OPA3: variants seen among roughly 807,000 people sequenced by gnomAD.
OPA3 encodes optic atrophy 3 protein.
A neutral mutation model predicts 4.0 loss-of-function variants in OPA3; 6 were observed. The observed-to-expected ratio is 1.51, with a 90% CI of 0.83 to 2.99. The LOEUF (loss-of-function observed/expected upper bound fraction) is 2.99, where lower values mean the gene tolerates loss of function less well. Among genes scored for constraint, OPA3 ranks in the 30% most tolerant of loss-of-function variants. OPA3 has a pLI of 0.00. For synonymous variants in OPA3, 105 were observed against 117.1 expected, an observed-to-expected ratio of 0.90 and a Z score of 0.67; for missense variants, 235 against 256.2, an observed-to-expected ratio of 0.92 and a Z score of 0.56.
chr19:45,554,014 T>C, intron 1 of OPA3, 103 bp from the exon 2 acceptor site: 1 of 905,256 alleles, frequency 1.1e-6, no homozygotes, highest in Non-Finnish European at 1.7e-6. Flanking sequence ...AACCCAGGGG[T>C]CTTTTAAAAG....
rs915794298 is a variant in OPA3, at chr19:45,548,835, G to T, written c.*4679C>A. 1.2e-5 allele frequency: 8 copies of T among 681,134 alleles called. No homozygotes were observed. Among genetic ancestry groups the T allele is most frequent in the African/African-American group, 1.0e-4 (5 of 48,486 alleles). 42.2% of individuals were successfully genotyped at this position (681,134 alleles called of 1,614,324 possible). On this transcript the variant is annotated 3_prime_UTR_variant, in exon 2 of 2. Coordinates refer to ENST00000263275, the MANE Select transcript of OPA3 (RefSeq NM_025136.4). The stretch of plus-strand genomic sequence containing the variant: ...TTTATTTATTTAGAGATGAAGTCTC[G>T]CTCTGTCACCCAGGCTGGAGTATAA...
At chr19:45,537,496 C>T (rs1347465503) in intron 1 of OPA3, among the ~76,000 whole-genome samples, 1 of 151,428 alleles carries the variant, frequency 6.6e-6, no homozygotes, top group South Asian at 2.1e-4. Flanking sequence ...TGGAAGAAGC[C>T]ATTTGCAATA....
intron 1 of OPA3, among the ~76,000 whole-genome samples, chr19:45,531,337 C>A (rs924071310): frequency 6.6e-6 from 1 of 152,072 alleles, no homozygotes; most frequent in Non-Finnish European, 1.5e-5. Flanking sequence ...TCAACTTTGA[C>A]GTTACTGTAT....
chr19:45,551,737 G>A lies in OPA3; in HGVS notation c.*1777C>T, dbSNP rs1002670219. Reference sequence around the variant, plus strand: ...TGCTGGCCTAATTGGTAGGATGGGGGTGGGACCGGGGGCTATGGAGGCAGG... The same window carrying A: ...TGCTGGCCTAATTGGTAGGATGGGGATGGGACCGGGGGCTATGGAGGCAGG... On this transcript the variant is annotated 3_prime_UTR_variant, in exon 2 of 2. Coordinates refer to ENST00000263275, the MANE Select transcript of OPA3 (RefSeq NM_025136.4). 30 of 985,422 alleles carry A rather than the reference G, an allele frequency of 3.0e-5. No homozygotes were observed. Among genetic ancestry groups the A allele is most frequent in the Middle Eastern group, 5.2e-4 (1 of 1,940 alleles). 61.0% of individuals were successfully genotyped at this position (985,422 alleles called of 1,614,324 possible). A position where few individuals can be genotyped will look rare whatever the true frequency, so the allele number is the denominator to read the frequency against.
rs902419694 is a variant in OPA3, at chr19:45,553,036, T to A, written c.*478A>T. 4 of 1,018,238 alleles carry A rather than the reference T, an allele frequency of 3.9e-6. No homozygotes were observed. Among genetic ancestry groups the A allele is most frequent in the African/African-American group, 1.7e-5 (1 of 57,588 alleles). The allele number at this position is 1,018,238 out of a possible 1,614,324, so 63.1% of individuals were successfully genotyped here. A position where few individuals can be genotyped will look rare whatever the true frequency, so the allele number is the denominator to read the frequency against. ...CTCAGCTAGAGCTGACCTTAGAAGG[T>A]GAGGGGGAGAAAAGGCCACTGCAAC... On this transcript the variant is annotated 3_prime_UTR_variant, in exon 2 of 2. Transcript: ENST00000263275.
intron 1 of OPA3, among the ~76,000 whole-genome samples, chr19:45,558,845 G>C (rs1032063056): frequency 1.3e-5 from 2 of 151,762 alleles, no homozygotes; most frequent in Admixed American, 6.6e-5. Flanking sequence ...GTGTGACTAA[G>C]GCAGAGAGGA....
intron 1 of OPA3, among the ~76,000 whole-genome samples, chr19:45,537,892 ATTG>A (rs1417695646): frequency 6.6e-6 from 1 of 152,032 alleles, no homozygotes; most frequent in African/African-American, 2.4e-5. Context: ...TATTCATTAT[ATTG>A]TTTTCTGTAT....
At chr19:45,583,662 C>T (rs556076152) in intron 1 of OPA3, among the ~76,000 whole-genome samples, 72 of 151,984 alleles carry the variant, frequency 4.7e-4, no homozygotes, top group Admixed American at 1.3e-3. Flanking sequence ...CCACCACACC[C>T]AGCTAATTTT....
In OPA3 at chr19:45,548,470, G is replaced by C; in HGVS notation, c.*5044C>G. 2.0e-6 allele frequency: 2 copies of C among 985,438 alleles called. No individual in the cohort carries two copies. The highest frequency in any genetic ancestry group is 2.4e-6 in the Non-Finnish European group (2 of 829,952). 61.0% of individuals were successfully genotyped at this position (985,438 alleles called of 1,614,324 possible). A position where few individuals can be genotyped will look rare whatever the true frequency, so the allele number is the denominator to read the frequency against. On this transcript the variant is annotated 3_prime_UTR_variant, in exon 2 of 2. Coordinates refer to ENST00000263275, the MANE Select transcript of OPA3 (RefSeq NM_025136.4). The stretch of plus-strand genomic sequence containing the variant: ...GAGTCACTCCAGAGGGAGGATTCCG[G>C]ATTCAGCCCAGCCCCTGCTTCCTAA...
downstream of OPA3, among the ~76,000 whole-genome samples, chr19:45,543,553 G>C (rs1221964571): frequency 6.6e-6 from 1 of 152,172 alleles, no homozygotes; most frequent in Non-Finnish European, 1.5e-5. Flanking sequence ...CTGACCTCAA[G>C]TGATCTGCCC....
At chr19:45,531,744 C>T (rs1017481980) in intron 1 of OPA3, among the ~76,000 whole-genome samples, 3 of 152,170 alleles carry the variant, frequency 2.0e-5, no homozygotes, top group African/African-American at 7.2e-5. Context: ...AGTTTGGTGG[C>T]CTGGTTCCAC....
rs1568413644 is a variant in OPA3 at position 45,584,713 on chromosome 19, G to A, written c.52C>T (p.Gln18Ter). 1.9e-6 allele frequency: 3 copies of A among 1,614,060 alleles called. No individual in the cohort carries two copies. ...MAKLLYLGIR[Q>*]VSKPLANRIK... ...CGGTTGGCAAGCGGCTTGCTGACCT[G>A]CCGGATGCCCAAGTATAGCAGCTTC... Residue 18 changes from glutamine (Q) to a stop codon, truncating the protein, a stop_gained, in exon 1 of 2, where the codon CAG (glutamine) becomes TAG (stop). Coordinates refer to ENST00000263275, the MANE Select transcript of OPA3 (RefSeq NM_025136.4). LOFTEE classifies it high-confidence loss of function.
At chr19:45,530,915 C>T (rs1162185873) in intron 1 of OPA3, among the ~76,000 whole-genome samples, 1 of 144,118 alleles carries the variant, frequency 6.9e-6, no homozygotes, top group Non-Finnish European at 1.5e-5. Flanking sequence ...GCGTGTGCCA[C>T]CATGTCACCT....
intron 1 of OPA3, among the ~76,000 whole-genome samples, chr19:45,562,334 A>T (rs1433626336): frequency 9.1e-6 from 1 of 109,904 alleles, no homozygotes; most frequent in African/African-American, 3.7e-5. Flanking sequence ...ATACAGTGAG[A>T]CTCCATCTCA....
chr19:45,576,894 T>C (rs1969776918), intron 1 of OPA3, among the ~76,000 whole-genome samples: 1 of 152,222 alleles, frequency 6.6e-6, no homozygotes, highest in Non-Finnish European at 1.5e-5. Flanking sequence ...TTCAACAGGT[T>C]CTTGGGATAA....
rs184018519 is a variant in OPA3 at position 45,535,749 on chromosome 19, G to A, written c.143-6293C>T. Among the ~76,000 whole-genome samples, 88 of 125,788 alleles carry A rather than the reference G, an allele frequency of 7.0e-4. No individual in the cohort carries two copies. The Admixed American group carries it at 7.2e-3, about 10-fold the overall frequency. 82.5% of individuals were successfully genotyped at this position (125,788 alleles called of 152,430 possible). On this transcript the variant is annotated intron_variant, in intron 1 of 1. Transcript: ENST00000323060. Reference sequence around the variant, plus strand: ...CTTTAATTGTTTGAACATAATAACTGTTTTTTTCTTTTCTTTTTTTTTTTT... The same window carrying A: ...CTTTAATTGTTTGAACATAATAACTATTTTTTTCTTTTCTTTTTTTTTTTT...
chr19:45,539,338 C>T (rs58193759), intron 1 of OPA3, among the ~76,000 whole-genome samples: 20,884 of 152,134 alleles, frequency 0.14, 1,528 homozygotes, highest in South Asian at 0.28. Context: ...GGCTTACACA[C>T]CTGTATTCCC....
At chr19:45,542,665 G>GTTTTTT (rs59474391), downstream of OPA3, among the ~76,000 whole-genome samples, 15 of 103,330 alleles carry the variant, frequency 1.5e-4, no homozygotes, top group African/African-American at 3.5e-4. Context: ...CTGTTTTTTT[G>GTTTTTT]TTTTTTTTTT....
chr19:45,545,706 TTTTC>T (rs957015186), downstream of OPA3, among the ~76,000 whole-genome samples: 5 of 150,868 alleles, frequency 3.3e-5, no homozygotes, highest in Admixed American at 1.3e-4. Context: ...ATGTACATGC[TTTTC>T]TTTTTTTTTT....
Sources: allele counts gnomAD v4.1 joint callset (sites outside exome capture counted in the v4.1 genomes callset), GRCh38; gene constraint gnomAD v4.1.1; transcripts MANE v1.5; gene names NCBI Gene and HGNC (gene_info 2026-07-23, HGNC 2026-07-21).